MRPL1: variants seen among roughly 807,000 people sequenced by gnomAD.
MRPL1 encodes large ribosomal subunit protein uL1m.
MRPL1 carries 28 observed loss-of-function variants against 38.0 expected under a neutral mutation model. That is an observed-to-expected ratio of 0.74 (90% CI 0.55 to 1.01). The LOEUF (loss-of-function observed/expected upper bound fraction) is 1.01. Among genes scored for constraint, MRPL1 ranks in the 50% least tolerant of loss-of-function variants. The pLI is 0.00. For synonymous variants in MRPL1, 123 were observed against 126.7 expected, an observed-to-expected ratio of 0.97 and a Z score of 0.20; for missense variants, 358 against 389.8, an observed-to-expected ratio of 0.92 and a Z score of 0.69.
chr4:77,887,991 T>A (rs371647180), intron 5 of MRPL1, among the ~76,000 whole-genome samples: 1 of 152,194 alleles, frequency 6.6e-6, no homozygotes, highest in Non-Finnish European at 1.5e-5. Context: ...ATGGATTTCA[T>A]TGATACCCAT....
At chr4:77,924,651 T>A (rs1359301651) in intron 7 of MRPL1, among the ~76,000 whole-genome samples, 1 of 152,200 alleles carries the variant, frequency 6.6e-6, no homozygotes, top group Non-Finnish European at 1.5e-5. Context: ...GTTTGTCATG[T>A]TCTCTCCTTC....
intron 2 of MRPL1, among the ~76,000 whole-genome samples, chr4:77,881,360 A>G (rs1269648365): frequency 3.3e-5 from 5 of 151,186 alleles, no homozygotes; most frequent in Admixed American, 3.3e-4. Flanking sequence ...TAATGATTCT[A>G]TTCTATGCCT....
chr4:77,952,323 T>C (rs1055564113), intron 8 of MRPL1, among the ~76,000 whole-genome samples, 166 bp from the exon 9 acceptor site: 1 of 152,250 alleles, frequency 6.6e-6, no homozygotes, highest in African/African-American at 2.4e-5. Flanking sequence ...GAAACTTAAC[T>C]CTTATTAATT....
chr4:77,939,404 G>A lies in MRPL1; in HGVS notation c.778-10393G>A, dbSNP rs188082400. On this transcript the variant is annotated intron_variant, in intron 7 of 8. Coordinates refer to ENST00000315567, the MANE Select transcript of MRPL1 (RefSeq NM_020236.4). ...GGGATTGCTTGTTTTTTTTCTTCCC[G>A]ATTTCTTTGAGTTTCTTCTAGATTC... is the stretch of plus-strand genomic sequence containing the variant. Among the ~76,000 whole-genome samples the A allele has an allele frequency of 5.9e-5, 9 of 151,818 alleles. No individual in the cohort carries two copies. The South Asian group carries it at 1.5e-3, about 25-fold the overall frequency.
At chr4:77,869,546 G>C (rs1397942959) in intron 1 of MRPL1, among the ~76,000 whole-genome samples, 1 of 152,042 alleles carries the variant, frequency 6.6e-6, no homozygotes, top group East Asian at 1.9e-4. Context: ...TGTCATGACT[G>C]ATAGTAGTGG....
At chr4:77,947,200 C>T (rs977923756) in intron 7 of MRPL1, among the ~76,000 whole-genome samples, 1 of 152,190 alleles carries the variant, frequency 6.6e-6, no homozygotes, top group Non-Finnish European at 1.5e-5. Flanking sequence ...GTCTTCCCAT[C>T]TAGTCTGCTT....
chr4:77,949,469 C>T (rs1331295635), intron 7 of MRPL1, among the ~76,000 whole-genome samples: 1 of 152,000 alleles, frequency 6.6e-6, no homozygotes, highest in Non-Finnish European at 1.5e-5. Flanking sequence ...GAGAAAATGT[C>T]ACTGTTTTCT....
chr4:77,923,606 A>ATTTTT (rs1377302656), intron 7 of MRPL1, among the ~76,000 whole-genome samples: 2 of 152,040 alleles, frequency 1.3e-5, no homozygotes, highest in Non-Finnish European at 2.9e-5. Flanking sequence ...TTTTTGTATC[A>ATTTTT]TGACTCAATC....
intron 1 of MRPL1, among the ~76,000 whole-genome samples, chr4:77,866,061 C>CT (rs1204738678): frequency 6.6e-6 from 1 of 151,974 alleles, no homozygotes. Context: ...ATGTAAAATA[C>CT]TTTTTTCTGA....
At chr4:77,930,723 G>A (rs956674284) in intron 7 of MRPL1, among the ~76,000 whole-genome samples, 2 of 152,182 alleles carry the variant, frequency 1.3e-5, no homozygotes, top group African/African-American at 4.8e-5. Context: ...TACTTCAATT[G>A]TGCAGCTGCA....
chr4:77,919,624 C>T (rs896827864), intron 7 of MRPL1, among the ~76,000 whole-genome samples: 13 of 152,008 alleles, frequency 8.6e-5, no homozygotes, highest in East Asian at 7.7e-4. Flanking sequence ...CTATAAAATA[C>T]GGTATATTAG....
intron 2 of MRPL1, among the ~76,000 whole-genome samples, chr4:77,876,594 G>A (rs1735401806): frequency 6.6e-6 from 1 of 152,124 alleles, no homozygotes; most frequent in Non-Finnish European, 1.5e-5. Context: ...TTAGTAGTTT[G>A]ATGAGAATCA....
chr4:77,952,379 T>C, intron 8 of MRPL1, 110 bp from the exon 9 acceptor site: 1 of 768,978 alleles, frequency 1.3e-6, no homozygotes, highest in East Asian at 2.5e-5. Flanking sequence ...TTGCTTAAAG[T>C]TGCAGTTTCC....
rs539382773 is a variant in MRPL1, at chr4:77,870,081, A to G, written c.32-1663A>G. On this transcript the variant is annotated intron_variant, in intron 1 of 8. Coordinates refer to ENST00000315567, the MANE Select transcript of MRPL1 (RefSeq NM_020236.4). ...GCTAATTTTTAAATTTTTTGTAGAG[A>G]TGGGGTTCCACTCTATTGCCCAGGC... 4.0e-5 allele frequency among the ~76,000 whole-genome samples: 6 copies of G among 151,692 alleles called. No homozygotes were observed. In the East Asian group the frequency reaches 9.8e-4, roughly 25 times the overall value.
In MRPL1 at chr4:77,883,866, C is replaced by G. The variant is rs534405587; in HGVS notation, c.402+366C>G. ...GTGCTGGGATTACATGCATGAGCCA[C>G]TGTGCCTGGCCTCTTAATTTTAAAA... On this transcript the variant is annotated intron_variant, in intron 3 of 8. Coordinates refer to ENST00000315567, the MANE Select transcript of MRPL1 (RefSeq NM_020236.4). Among the ~76,000 whole-genome samples the G allele has an allele frequency of 2.0e-5, 3 of 152,316 alleles. No homozygotes were observed. In the East Asian group the frequency reaches 5.8e-4, roughly 29 times the overall value.
chr4:77,889,215 G>T (rs1735750555), intron 5 of MRPL1, among the ~76,000 whole-genome samples: 1 of 152,116 alleles, frequency 6.6e-6, no homozygotes, highest in Non-Finnish European at 1.5e-5. Context: ...TTCCAAAATT[G>T]ACCACATAGT....
chr4:77,925,952 G>A (rs1736704111), intron 7 of MRPL1, among the ~76,000 whole-genome samples: 1 of 152,152 alleles, frequency 6.6e-6, no homozygotes, highest in Non-Finnish European at 1.5e-5. Context: ...AAAATAACAT[G>A]TGTTCTGAGA....
chr4:77,892,127 C>CTTTTTTTTTTTTTT (rs34043885), intron 5 of MRPL1, among the ~76,000 whole-genome samples: 1 of 145,008 alleles, frequency 6.9e-6, no homozygotes. Flanking sequence ...GTAGTCATTT[C>CTTTTTTTTTTTTTT]TTTTTTTTTT....
At chr4:77,932,055 T>A (rs1007670192) in intron 7 of MRPL1, among the ~76,000 whole-genome samples, 1 of 152,160 alleles carries the variant, frequency 6.6e-6, no homozygotes, top group Non-Finnish European at 1.5e-5. Context: ...ACAGTTACCA[T>A]TGGCAGCACA....
Sources: gnomAD v4.1 joint callset for allele counts (sites outside exome capture counted in the v4.1 genomes callset) on GRCh38, gnomAD v4.1.1 for gene constraint, MANE v1.5 for transcripts, NCBI Gene and HGNC (gene_info 2026-07-23, HGNC 2026-07-21) for gene names.